RNF6: variants seen among roughly 807,000 people sequenced by gnomAD.
RNF6 encodes the protein ring finger protein 6, also known as E3 ubiquitin-protein ligase RNF6.
A neutral mutation model predicts 50.1 loss-of-function variants in RNF6; 21 were observed. The ratio of observed to expected loss-of-function variants is 0.42; its 90% CI spans 0.30 to 0.60. The LOEUF (loss-of-function observed/expected upper bound fraction) is 0.60. Among genes scored for constraint, RNF6 ranks in the 20% least tolerant of loss-of-function variants. The probability of loss-of-function intolerance (pLI) is 0.20; values close to 1 mark genes in which losing one functional copy is unlikely to be tolerated. For missense variants in RNF6, 698 were observed against 838.2 expected (o/e 0.83, Z 2.07); for synonymous variants, 255 against 291.8 (o/e 0.87, Z 1.29).
At chr13:26,221,758 G>T (rs1870528575) in intron 1 of RNF6, 1 of 152,188 alleles carries the variant, frequency 6.6e-6, no homozygotes, top group Non-Finnish European at 1.5e-5. Context: ...GATAAATAAA[G>T]TGGGCTCAAG....
rs373960723 is a variant in RNF6, at chr13:26,206,612, C to T, written n.768+8862G>A. Among the ~76,000 whole-genome samples, 68 of 152,252 alleles carry T rather than the reference C, an allele frequency of 4.5e-4. 1 individual carries two copies. The South Asian group carries it at 0.013, about 29-fold the overall frequency. ...GAGCCTTTCCTCTCTTGCCTCAAACCACAAACATCTGATATTATTTCTATG... is the reference window on the plus strand; with the variant it reads ...GAGCCTTTCCTCTCTTGCCTCAAACTACAAACATCTGATATTATTTCTATG... On this transcript the variant is annotated intron_variant and non_coding_transcript_variant, in intron 5 of 5. Coordinates refer to the RNF6 transcript ENST00000468480.
Position 26,214,650 on chromosome 13 carries a change from T to C in RNF6, c.1232A>G (p.Asn411Ser). Reference protein sequence around the residue: ...LQVRRIRPGENRDRDSIANRT... With the variant: ...LQVRRIRPGESRDRDSIANRT... ...ATTTGCAATACTATCCCGATCTCTA[T>C]TTTCTCCAGGACGGATCCTTCTCAC... Residue 411 changes from asparagine to serine, a missense_variant, in exon 5 of 5, where the codon AAT (asparagine) becomes AGT (serine). Transcript: ENST00000381588. The C allele has an allele frequency of 1.2e-6, 2 of 1,614,254 alleles. No individual in the cohort carries two copies. Among genetic ancestry groups the C allele is most frequent in the African/African-American group, 1.3e-5 (1 of 75,066 alleles).
upstream of RNF6, among the ~76,000 whole-genome samples, chr13:26,223,066 C>G (rs543011280): frequency 2.6e-5 from 4 of 152,120 alleles, no homozygotes; most frequent in Admixed American, 2.6e-4. Flanking sequence ...TGGTATAGTC[C>G]CCTTTCCTGA....
chr13:26,157,324 TTA>T (rs1871981604), intron 5 of RNF6, among the ~76,000 whole-genome samples: 1 of 152,094 alleles, frequency 6.6e-6, no homozygotes, highest in Non-Finnish European at 1.5e-5. Flanking sequence ...TAGATAATTA[TTA>T]TATAATCTTG....
intron 5 of RNF6, among the ~76,000 whole-genome samples, chr13:26,176,518 C>T (rs959508671): frequency 6.6e-6 from 1 of 152,226 alleles, no homozygotes; most frequent in South Asian, 2.1e-4. Context: ...GATATGTTGA[C>T]ATCCTGACCC....
At chr13:26,143,522 G>GC (rs150217109) in intron 5 of RNF6, among the ~76,000 whole-genome samples, 24,828 of 152,112 alleles carry the variant, frequency 0.16, 2,115 homozygotes, top group Admixed American at 0.21. Context: ...GGAACAGGAA[G>GC]AAAACTTTTG....
intron 5 of RNF6, among the ~76,000 whole-genome samples, chr13:26,146,301 G>C (rs1192648852): frequency 6.6e-6 from 1 of 152,234 alleles, no homozygotes; most frequent in Non-Finnish European, 1.5e-5. Context: ...TCTATTTGTT[G>C]CATTGACACT....
intron 5 of RNF6, among the ~76,000 whole-genome samples, chr13:26,205,368 C>T (rs903451349): frequency 1.3e-5 from 2 of 152,230 alleles, no homozygotes; most frequent in African/African-American, 2.4e-5. Context: ...CTAAGAAATT[C>T]TGAGAGTTGA....
At chr13:26,201,260 G>A (rs924189364) in intron 5 of RNF6, among the ~76,000 whole-genome samples, 1 of 152,198 alleles carries the variant, frequency 6.6e-6, no homozygotes, top group African/African-American at 2.4e-5. Context: ...AAACAGTTTG[G>A]TGATTTCTCG....
chr13:26,220,972 T>C (rs1870425030), intron 2 of RNF6, among the ~76,000 whole-genome samples: 1 of 152,218 alleles, frequency 6.6e-6, no homozygotes, highest in South Asian at 2.1e-4. Context: ...TGTGGTTATT[T>C]TATTATGTCA....
chr13:26,184,466 A>G (rs746614802), intron 5 of RNF6, among the ~76,000 whole-genome samples: 6 of 152,226 alleles, frequency 3.9e-5, no homozygotes, highest in Non-Finnish European at 8.8e-5. Context: ...TTTTTGCTCT[A>G]GAAGTCTCTA....
downstream of RNF6, among the ~76,000 whole-genome samples, chr13:26,209,501 G>A (rs1485685870): frequency 6.6e-6 from 1 of 152,180 alleles, no homozygotes; most frequent in African/African-American, 2.4e-5. Flanking sequence ...GGCAGGAGAA[G>A]CTACTTTTAT....
downstream of RNF6, among the ~76,000 whole-genome samples, chr13:26,207,811 C>T (rs114990048): frequency 6.4e-4 from 97 of 152,346 alleles, no homozygotes; most frequent in African/African-American, 2.1e-3. Flanking sequence ...ACTCCTGCTA[C>T]CCATTCTGGC....
At chr13:26,145,565 G>C (rs1871189317) in intron 5 of RNF6, among the ~76,000 whole-genome samples, 2 of 152,056 alleles carry the variant, frequency 1.3e-5, no homozygotes, top group Non-Finnish European at 2.9e-5. Context: ...TACTCCTGCT[G>C]TGTAAGATGT....
intron 5 of RNF6, among the ~76,000 whole-genome samples, chr13:26,179,189 G>A (rs1873117293): frequency 6.6e-6 from 1 of 152,172 alleles, no homozygotes; most frequent in Non-Finnish European, 1.5e-5. Flanking sequence ...TCTGGCAGGG[G>A]CTCAGAGCAG....
At chr13:26,135,035 A>G (rs970226180) in intron 5 of RNF6, among the ~76,000 whole-genome samples, 34 of 152,228 alleles carry the variant, frequency 2.2e-4, no homozygotes, top group African/African-American at 6.8e-4. Context: ...AAGAAAACTA[A>G]TAAGGCAGGG....
rs571472805 is a variant in RNF6, at chr13:26,196,830, C to G, written n.768+18644G>C. Among the ~76,000 whole-genome samples, 80 of 151,974 alleles carry G rather than the reference C, an allele frequency of 5.3e-4. 1 individual carries two copies. The highest frequency in any genetic ancestry group is 1.9e-3 in the African/African-American group (78 of 41,306). On this transcript the variant is annotated intron_variant and non_coding_transcript_variant, in intron 5 of 5. Coordinates refer to the RNF6 transcript ENST00000468480. ...TAGGTAAATATACAAGGCTGCATCCCTCTTCCTGAAATTTCCTTAAATGAA... is the reference window on the plus strand; with the variant it reads ...TAGGTAAATATACAAGGCTGCATCCGTCTTCCTGAAATTTCCTTAAATGAA...
intron 5 of RNF6, among the ~76,000 whole-genome samples, chr13:26,189,068 C>T (rs1372474162): frequency 4.6e-5 from 7 of 152,136 alleles, no homozygotes; most frequent in Non-Finnish European, 8.8e-5. Flanking sequence ...GTGGCTAACG[C>T]CCGTAATCCC....
At position 26,146,610 on chromosome 13, in the gene RNF6, C is replaced by T. The variant is rs143584021; in HGVS notation, n.769-14159G>A. The stretch of plus-strand genomic sequence containing the variant: ...TACACTCTAGCATCAAATCACCTTA[C>T]GCCTTAGAATCCTGCCTTCTATATT... On this transcript the variant is annotated intron_variant and non_coding_transcript_variant, in intron 5 of 5. Coordinates refer to the RNF6 transcript ENST00000468480. Among the ~76,000 whole-genome samples the T allele has an allele frequency of 2.0e-3, 306 of 152,272 alleles. 1 individual carries two copies. The highest frequency in any genetic ancestry group is 3.0e-3 in the Non-Finnish European group (207 of 68,010).
Sources: allele counts gnomAD v4.1 joint callset (sites outside exome capture counted in the v4.1 genomes callset), GRCh38; gene constraint gnomAD v4.1.1; transcripts MANE v1.5; gene names NCBI Gene and HGNC (gene_info 2026-07-23, HGNC 2026-07-21).